Variants in NDUFS1 observed in about 807,000 individuals in gnomAD.
NDUFS1 encodes the protein NADH-ubiquinone oxidoreductase 75 kDa subunit, mitochondrial.
NDUFS1 carries 61 observed loss-of-function variants against 84.4 expected under a neutral mutation model. The ratio of observed to expected loss-of-function variants is 0.72; its 90% confidence interval spans 0.59 to 0.89. The LOEUF (loss-of-function observed/expected upper bound fraction) is 0.89, where lower values mean the gene tolerates loss of function less well. NDUFS1 is among the 40% of genes least tolerant of loss of function. The pLI is 0.00. For synonymous variants in NDUFS1, 275 were observed against 290.0 expected (o/e 0.95, Z 0.53); for missense variants, 891 against 890.0 (o/e 1.00, Z -0.01).
intron 11 of NDUFS1, 151 bp from the exon 12 acceptor site, chr2:206,142,220 ATTTT>A: frequency 1.4e-6 from 1 of 730,542 alleles, no homozygotes; most frequent in East Asian, 2.8e-5. Context: ...TCAGATACTT[ATTTT>A]TTTTCTCAGA....
intron 5 of NDUFS1, among the ~76,000 whole-genome samples, 198 bp downstream of exon 5, chr2:206,148,822 T>C (rs933446556): frequency 2.6e-5 from 4 of 152,168 alleles, no homozygotes; most frequent in Admixed American, 2.6e-4. Flanking sequence ...TTAATGCTGA[T>C]CCTAAAGCTC....
chr2:206,139,277 C>T (rs1691843290), intron 12 of NDUFS1, among the ~76,000 whole-genome samples: 1 of 152,066 alleles, frequency 6.6e-6, no homozygotes, highest in South Asian at 2.1e-4. Context: ...GCTCCACCTC[C>T]CGGGTTCCAG....
chr2:206,156,584 AG>A (rs1687664657), intron 1 of NDUFS1, among the ~76,000 whole-genome samples: 1 of 152,118 alleles, frequency 6.6e-6, no homozygotes, highest in African/African-American at 2.4e-5. Flanking sequence ...CAAAAAAAAA[AG>A]AAAAAAGGCA....
chr2:206,146,357 A>G (rs1692153626), intron 8 of NDUFS1, among the ~76,000 whole-genome samples: 1 of 152,244 alleles, frequency 6.6e-6, no homozygotes, highest in Non-Finnish European at 1.5e-5. Context: ...CCAAATCCCA[A>G]GTTGAAAAGT....
At chr2:206,135,804 T>A (rs1691687205) in intron 13 of NDUFS1, among the ~76,000 whole-genome samples, 1 of 152,190 alleles carries the variant, frequency 6.6e-6, no homozygotes, top group Non-Finnish European at 1.5e-5. Context: ...ATATTTTTGA[T>A]CTTTTAATCA....
intron 1 of NDUFS1, among the ~76,000 whole-genome samples, chr2:206,154,328 C>A (rs1158868144): frequency 6.6e-6 from 1 of 152,240 alleles, no homozygotes; most frequent in African/African-American, 2.4e-5. Flanking sequence ...TGGCTCTCAA[C>A]TGAGGACAAT....
chr2:206,154,936 T>TG (rs1262001515), intron 1 of NDUFS1, among the ~76,000 whole-genome samples: 5 of 147,948 alleles, frequency 3.4e-5, no homozygotes, highest in Non-Finnish European at 7.5e-5. Context: ...TTTTTTTTTT[T>TG]TTTTTTTGAG....
chr2:206,128,113 G>A (rs1385004290), intron 15 of NDUFS1, 141 bp from the exon 16 acceptor site: 25 of 889,812 alleles, frequency 2.8e-5, no homozygotes, highest in Non-Finnish European at 1.8e-6. Flanking sequence ...CAGTAGTGAA[G>A]TAATAAAAAT....
At chr2:206,154,768 C>A (rs1281728097) in intron 1 of NDUFS1, among the ~76,000 whole-genome samples, 1 of 151,994 alleles carries the variant, frequency 6.6e-6, no homozygotes, top group Non-Finnish European at 1.5e-5. Context: ...GGATTACAGG[C>A]ACCCGCCACC....
At position 206,132,862 on chromosome 2, in the gene NDUFS1, T is replaced by G. The variant is rs551639811; in HGVS notation, c.1553+83A>C. The G allele has an allele frequency of 6.1e-5, 77 of 1,262,378 alleles. 1 individual carries two copies. In the South Asian group the frequency reaches 9.4e-4, roughly 15 times the overall value. 78.2% of individuals were successfully genotyped at this position (1,262,378 alleles called of 1,614,324 possible). A position where few individuals can be genotyped will look rare whatever the true frequency, so the allele number is the denominator to read the frequency against. ...ATGTTGCTAAATGTTGTTTGTAAAT[T>G]AAATTTAACAGTGTATCAGGAACAC... On this transcript the variant is annotated intron_variant, in intron 14 of 18. Coordinates refer to ENST00000233190, the MANE Select transcript of NDUFS1 (RefSeq NM_005006.7).
intron 12 of NDUFS1, 94 bp downstream of exon 12, chr2:206,141,847 A>T: frequency 8.9e-7 from 1 of 1,126,530 alleles, no homozygotes; most frequent in East Asian, 2.6e-5. Flanking sequence ...GAGTCTCACT[A>T]CCACTAACAC....
At chr2:206,144,186 T>C in intron 9 of NDUFS1, 54 bp from the exon 10 acceptor site, 3 of 1,355,936 alleles carry the variant, frequency 2.2e-6, no homozygotes, top group Non-Finnish European at 1.1e-6. Flanking sequence ...GTAACTATAA[T>C]TTTCAAGTTA....
intron 14 of NDUFS1, among the ~76,000 whole-genome samples, chr2:206,132,538 T>C (rs1691553758): frequency 6.6e-6 from 1 of 151,926 alleles, no homozygotes; most frequent in African/African-American, 2.4e-5. Flanking sequence ...CAGTGGACTA[T>C]GATCATGCCA....
intron 1 of NDUFS1, among the ~76,000 whole-genome samples, chr2:206,154,860 T>C (rs1178509973): frequency 1.3e-5 from 2 of 151,728 alleles, no homozygotes; most frequent in Non-Finnish European, 2.9e-5. Context: ...CCTGACTTCA[T>C]GATCCGCCCA....
Position 206,144,838 on chromosome 2 carries a change from T to C in NDUFS1, c.872+54A>G, listed in dbSNP as rs999416158. ...AAAAGATAATTCTTCAAAATTATTATAAAATTTCCTTTAAATAAACTGTAA... is the reference window on the plus strand; with the variant it reads ...AAAAGATAATTCTTCAAAATTATTACAAAATTTCCTTTAAATAAACTGTAA... On this transcript the variant is annotated intron_variant, in intron 9 of 18. Transcript: ENST00000233190. 3.5e-5 allele frequency: 54 copies of C among 1,555,298 alleles called. No individual in the cohort carries two copies. The East Asian group carries it at 7.5e-4, about 22-fold the overall frequency.
At position 206,117,796 on chromosome 2, in the gene NDUFS1, A is replaced by C. The variant is rs1414009113; in HGVS notation, c.*6389T>G. 2 of 152,228 alleles carry C rather than the reference A, an allele frequency of 1.3e-5. No individual in the cohort carries two copies. The highest frequency in any genetic ancestry group is 1.3e-4 in the Admixed American group (2 of 15,276). The allele number at this position is 152,228 out of a possible 1,614,324, so 9.4% of individuals were successfully genotyped here. A position where few individuals can be genotyped will look rare whatever the true frequency, so the allele number is the denominator to read the frequency against. On this transcript the variant is annotated 3_prime_UTR_variant, in exon 19 of 19. Coordinates refer to ENST00000233190, the MANE Select transcript of NDUFS1 (RefSeq NM_005006.7). ...GATCCAAACCCAAGATCTGCCCCTAACTTGCCTCTTATTCTTTCTGGCCTC... is the reference window on the plus strand; with the variant it reads ...GATCCAAACCCAAGATCTGCCCCTACCTTGCCTCTTATTCTTTCTGGCCTC...
chr2:206,124,939 C>A (rs1246823312), intron 18 of NDUFS1, among the ~76,000 whole-genome samples: 1 of 152,048 alleles, frequency 6.6e-6, no homozygotes, highest in East Asian at 1.9e-4. Flanking sequence ...ATTGAATTGT[C>A]CACTTCATGA....
intron 13 of NDUFS1, among the ~76,000 whole-genome samples, chr2:206,134,709 G>A (rs924316618): frequency 4.6e-5 from 7 of 152,296 alleles, no homozygotes; most frequent in African/African-American, 1.7e-4. Context: ...GGCAAGGTTG[G>A]CTCATGCTTG....
rs142516916 is a variant in NDUFS1, at chr2:206,133,234, C to T, written c.1393-129G>A. ...AACATGAATGTCTTCAATTTGTTAG[C>T]CCAACATACAGACACACATATACAA... On this transcript the variant is annotated intron_variant, in intron 13 of 18. Coordinates refer to ENST00000233190, the MANE Select transcript of NDUFS1 (RefSeq NM_005006.7). The T allele has an allele frequency of 1.9e-3, 1,399 of 725,338 alleles. 21 individuals are homozygous for T. The African/African-American group carries it at 0.023, about 12-fold the overall frequency. 44.9% of individuals were successfully genotyped at this position (725,338 alleles called of 1,614,324 possible).
Sources: allele counts gnomAD v4.1 joint callset (sites outside exome capture counted in the v4.1 genomes callset), GRCh38; gene constraint gnomAD v4.1.1; transcripts MANE v1.5; gene names NCBI Gene and HGNC (gene_info 2026-07-23, HGNC 2026-07-21).